The following CELF2 variants were observed in gnomAD, a reference collection of about 807,000 sequenced individuals.
CELF2 encodes CUG triplet repeat RNA-binding protein 2.
CELF2 carries 8 observed loss-of-function variants against 62.6 expected under a neutral mutation model. That is an observed-to-expected ratio of 0.13 (90% CI 0.07 to 0.23). The LOEUF (loss-of-function observed/expected upper bound fraction) is 0.23. Among genes scored for constraint, CELF2 ranks in the 10% least tolerant of loss-of-function variants. The pLI, the probability that CELF2 is intolerant of heterozygous loss-of-function variation, is 1.00. For synonymous variants in CELF2, 258 were observed against 250.0 expected (o/e 1.03, Z -0.30); for missense variants, 333 against 671.0 (o/e 0.50, Z 5.56).
At chr10:11,209,529 G>A (rs1455203573) in intron 2 of CELF2, among the ~76,000 whole-genome samples, 1 of 151,056 alleles carries the variant, frequency 6.6e-6, no homozygotes, top group African/African-American at 2.4e-5. Flanking sequence ...AAGATGCTAG[G>A]GGTATAAATC....
the CELF2 span, among the ~76,000 whole-genome samples, chr10:10,746,435 C>T: frequency 0.011 from 1,655 of 152,228 alleles, 15 homozygotes; most frequent in Non-Finnish European, 0.013. Flanking sequence ...TAAGCTTAGA[C>T]GAAAAACAGA....
chr10:11,197,046 A>AAGGC (rs2057988914), intron 2 of CELF2, among the ~76,000 whole-genome samples: 1 of 111,592 alleles, frequency 9.0e-6, no homozygotes. Context: ...AGAAAGAAAG[A>AAGGC]AAGAAAGAAA....
chr10:11,019,002 A>G (rs1397445446), intron 1 of CELF2: 1 of 152,190 alleles, frequency 6.6e-6, no homozygotes, highest in Non-Finnish European at 1.5e-5. Context: ...TCTGTAATTT[A>G]ATAATTAATG....
At chr10:10,900,272 G>A (rs532237329) in intron 1 of CELF2, among the ~76,000 whole-genome samples, 11 of 152,248 alleles carry the variant, frequency 7.2e-5, no homozygotes, top group African/African-American at 2.6e-4. Context: ...GGTGCTACAA[G>A]AAAAGAAAAC....
intron 2 of CELF2, among the ~76,000 whole-genome samples, chr10:10,967,929 C>T (rs1286208392): frequency 1.3e-5 from 2 of 152,096 alleles, no homozygotes; most frequent in Admixed American, 6.5e-5. Context: ...CACACACACA[C>T]ACACACACAC....
intron 2 of CELF2, among the ~76,000 whole-genome samples, chr10:10,935,582 C>G (rs2066538887): frequency 6.6e-6 from 1 of 152,098 alleles, no homozygotes; most frequent in African/African-American, 2.4e-5. Context: ...TGTGGCCACT[C>G]ATACATCATA....
chr10:10,526,940 T>C, the CELF2 span, among the ~76,000 whole-genome samples: 11 of 152,222 alleles, frequency 7.2e-5, no homozygotes, highest in African/African-American at 2.7e-4. Flanking sequence ...TGCATTAAAC[T>C]TGCACCACAG....
At position 11,062,175 on chromosome 10, in the gene CELF2, A is replaced by G. The variant is rs2066930523; in HGVS notation, c.74+44012A>G. ...GGGGGAAAAAAAAATTCCTTTCCAG[A>G]TATTAGTGCTCATTGGCAATGTACC... On this transcript the variant is annotated intron_variant, in intron 1 of 12. Coordinates refer to ENST00000633077, the MANE Select transcript of CELF2 (RefSeq NM_001326342.2). Among the ~76,000 whole-genome samples, 4 of 152,136 alleles carry G rather than the reference A, an allele frequency of 2.6e-5. No individual in the cohort carries two copies. The South Asian group carries it at 8.3e-4, about 32-fold the overall frequency.
chr10:11,060,448 A>G (rs1026988119), intron 1 of CELF2, among the ~76,000 whole-genome samples: 1 of 152,142 alleles, frequency 6.6e-6, no homozygotes, highest in Non-Finnish European at 1.5e-5. Context: ...GAAATATTTT[A>G]TATGGTGGAG....
At chr10:10,514,190 C>T in the CELF2 span, among the ~76,000 whole-genome samples, 3 of 152,318 alleles carry the variant, frequency 2.0e-5, no homozygotes, top group South Asian at 6.2e-4. Flanking sequence ...TGATTTCAAA[C>T]ACTGTAGAAT....
chr10:11,257,116 G>T (rs556933307), intron 4 of CELF2, among the ~76,000 whole-genome samples: 1 of 152,166 alleles, frequency 6.6e-6, no homozygotes, highest in Admixed American at 6.5e-5. Context: ...AGTGTCACGG[G>T]AAAGAGGTAC....
chr10:11,323,192 AATTGCCCAAAATAACC>A (rs2095535020), intron 11 of CELF2, among the ~76,000 whole-genome samples: 1 of 151,872 alleles, frequency 6.6e-6, no homozygotes, highest in African/African-American at 2.4e-5. Context: ...ATTAAGATAA[AATTGCCCAAAATAACC>A]ATTGCCCACT....
chr10:10,857,546 TACTC>T (rs1197610960), intron 1 of CELF2, among the ~76,000 whole-genome samples: 1 of 150,848 alleles, frequency 6.6e-6, no homozygotes, highest in African/African-American at 2.4e-5. Flanking sequence ...AAATGTCAAA[TACTC>T]AGTCAAACAT....
the CELF2 span, among the ~76,000 whole-genome samples, chr10:10,720,395 T>C: frequency 6.6e-6 from 1 of 152,180 alleles, no homozygotes; most frequent in East Asian, 1.9e-4. Flanking sequence ...AGCACCCCCT[T>C]TGGGTGATCG....
chr10:11,136,297 A>G lies in CELF2; in HGVS notation c.75-29189A>G, dbSNP rs561844185. Among the ~76,000 whole-genome samples, 10 of 152,322 alleles carry G rather than the reference A, an allele frequency of 6.6e-5. No homozygotes were observed. In the South Asian group the frequency reaches 1.7e-3, roughly 25 times the overall value. On this transcript the variant is annotated intron_variant, in intron 1 of 12. Transcript: ENST00000633077. ...GAGGATCTTATATTCTGGCTGGGAA[A>G]ACAGCATATGAAAAGTTAAACTTGG...
At position 11,144,900 on chromosome 10, in the gene CELF2, G is replaced by GAAA. The variant is rs397846995; in HGVS notation, c.75-20565_75-20563dup. ...GAGGGAGACCCTGTCTCAGGAAACAGAAAAAAAAAAAAAAAAAAAAAAAGG... is the reference window on the plus strand; with the variant it reads ...GAGGGAGACCCTGTCTCAGGAAACAGAAAAAAAAAAAAAAAAAAAAAAAAAAGG... On this transcript the variant is annotated intron_variant, in intron 1 of 12. Coordinates refer to ENST00000633077, the MANE Select transcript of CELF2 (RefSeq NM_001326342.2). 6.2e-3 allele frequency among the ~76,000 whole-genome samples: 461 copies of GAAA among 74,070 alleles called. 9 individuals are homozygous for GAAA. The highest frequency in any genetic ancestry group is 7.4e-3 in the Non-Finnish European group (295 of 39,936). The allele number at this position is 74,070 out of a possible 152,430, so 48.6% of individuals were successfully genotyped here. A position where few individuals can be genotyped will look rare whatever the true frequency, so the allele number is the denominator to read the frequency against.
intron 1 of CELF2, among the ~76,000 whole-genome samples, chr10:10,829,510 T>A (rs1177666578): frequency 2.0e-5 from 3 of 152,180 alleles, no homozygotes; most frequent in African/African-American, 4.8e-5. Flanking sequence ...ATTTATGAAT[T>A]TGAGATTTTG....
the CELF2 span, among the ~76,000 whole-genome samples, chr10:10,484,570 G>T: frequency 6.6e-6 from 1 of 151,294 alleles, no homozygotes; most frequent in Non-Finnish European, 1.5e-5. Context: ...ACCCACCTCG[G>T]TCTCCCAAAG....
the CELF2 span, among the ~76,000 whole-genome samples, chr10:10,586,029 TA>T: frequency 6.6e-6 from 1 of 152,234 alleles, no homozygotes; most frequent in African/African-American, 2.4e-5. Flanking sequence ...GAGAGATAAT[TA>T]GCTCTATAAA....
Sources: gnomAD v4.1 joint callset for allele counts (sites outside exome capture counted in the v4.1 genomes callset) on GRCh38, gnomAD v4.1.1 for gene constraint, MANE v1.5 for transcripts, NCBI Gene and HGNC (gene_info 2026-07-23, HGNC 2026-07-21) for gene names.